Variants in DAB1 observed in about 807,000 individuals in gnomAD.
DAB1 encodes the protein disabled homolog 1.
DAB1 carries 15 observed loss-of-function variants against 64.6 expected under a neutral mutation model. The observed-to-expected ratio is 0.23, with a 90% confidence interval of 0.16 to 0.36. The LOEUF is 0.36. DAB1 is among the 10% of genes least tolerant of loss of function. The pLI is 1.00. For missense variants in DAB1, 596 were observed against 706.7 expected, an observed-to-expected ratio of 0.84 and a Z score of 1.78; for synonymous variants, 235 against 251.9, an observed-to-expected ratio of 0.93 and a Z score of 0.64.
At chr1:57,748,895 G>A (rs139503808) in intron 6 of DAB1, among the ~76,000 whole-genome samples, 12 of 152,296 alleles carry the variant, frequency 7.9e-5, no homozygotes, top group Non-Finnish European at 1.6e-4. Flanking sequence ...CCATGCGTAC[G>A]ATGAAAAGGG....
chr1:57,917,886 T>C (rs1241015780), intron 5 of DAB1, among the ~76,000 whole-genome samples: 2 of 152,038 alleles, frequency 1.3e-5, no homozygotes, highest in Non-Finnish European at 2.9e-5. Flanking sequence ...TGTCCTGTAA[T>C]AATGAGGTAT....
intron 5 of DAB1, among the ~76,000 whole-genome samples, chr1:58,068,066 TGAG>T (rs1190515383): frequency 6.6e-6 from 1 of 152,140 alleles, no homozygotes; most frequent in African/African-American, 2.4e-5. Context: ...GTGGAGATGC[TGAG>T]GAGAGGGACA....
At chr1:58,264,096 G>C (rs1661107280) in intron 4 of DAB1, among the ~76,000 whole-genome samples, 1 of 152,182 alleles carries the variant, frequency 6.6e-6, no homozygotes, top group Non-Finnish European at 1.5e-5. Flanking sequence ...ACTCCTTGTG[G>C]ATTGCTTGAC....
intron 4 of DAB1, among the ~76,000 whole-genome samples, chr1:58,243,082 T>C (rs760647785): frequency 2.0e-5 from 3 of 152,124 alleles, no homozygotes; most frequent in Non-Finnish European, 4.4e-5. Flanking sequence ...TCTTAGTACT[T>C]TGTCCATGGT....
At chr1:57,473,575 T>C (rs1643894718) in intron 7 of DAB1, among the ~76,000 whole-genome samples, 1 of 152,230 alleles carries the variant, frequency 6.6e-6, no homozygotes, top group Non-Finnish European at 1.5e-5. Context: ...TCGTGAAGAC[T>C]AAATGATAAA....
chr1:57,629,657 G>A (rs1286518118), intron 7 of DAB1, among the ~76,000 whole-genome samples: 3 of 151,520 alleles, frequency 2.0e-5, no homozygotes, highest in Non-Finnish European at 4.4e-5. Flanking sequence ...CTCATGTCAA[G>A]AGCCTACTAG....
intron 7 of DAB1, among the ~76,000 whole-genome samples, chr1:57,552,447 G>A (rs890529049): frequency 6.6e-6 from 1 of 152,170 alleles, no homozygotes; most frequent in Non-Finnish European, 1.5e-5. Context: ...GGGGAATGTT[G>A]AATCTATCAG....
At chr1:57,316,808 A>G (rs1675252397) in intron 1 of DAB1, among the ~76,000 whole-genome samples, 1 of 152,164 alleles carries the variant, frequency 6.6e-6, no homozygotes, top group Admixed American at 6.5e-5. Context: ...GGGCATAGAC[A>G]TTCAGATTCT....
At chr1:57,674,785 G>A (rs1045894258) in intron 6 of DAB1, among the ~76,000 whole-genome samples, 4 of 152,006 alleles carry the variant, frequency 2.6e-5, no homozygotes, top group African/African-American at 9.7e-5. Context: ...TACTATTATT[G>A]TTCTCCCCTT....
intron 6 of DAB1, among the ~76,000 whole-genome samples, chr1:57,792,086 C>A (rs1650628109): frequency 6.6e-6 from 1 of 152,258 alleles, no homozygotes; most frequent in African/African-American, 2.4e-5. Flanking sequence ...CCCTGACAAC[C>A]CTTCCACTGA....
At chr1:57,049,767 G>A (rs1164520718) in intron 9 of DAB1, among the ~76,000 whole-genome samples, 1 of 152,144 alleles carries the variant, frequency 6.6e-6, no homozygotes, top group East Asian at 1.9e-4. Flanking sequence ...TGTAACACAG[G>A]AGGCTGATTG....
At chr1:57,245,085 C>T (rs894074393) in intron 2 of DAB1, among the ~76,000 whole-genome samples, 1 of 152,064 alleles carries the variant, frequency 6.6e-6, no homozygotes, top group African/African-American at 2.4e-5. Flanking sequence ...TGGTTTTGAA[C>T]AAAATACTGA....
rs943713472 is a variant in DAB1, at chr1:57,836,890, C to T, written n.88-10435G>A. Among the ~76,000 whole-genome samples the T allele has an allele frequency of 2.0e-4, 30 of 152,306 alleles. No individual in the cohort carries two copies. In the South Asian group the frequency reaches 2.7e-3, roughly 14 times the overall value. On this transcript the variant is annotated intron_variant and non_coding_transcript_variant, in intron 1 of 1. Transcript: ENST00000477280. Reference sequence around the variant, plus strand: ...ATTCAACAAACCGAGCACTTCATCACGGCCCCCTAGACATGCTTTGCTCTC... The same window carrying T: ...ATTCAACAAACCGAGCACTTCATCATGGCCCCCTAGACATGCTTTGCTCTC...
intron 6 of DAB1, among the ~76,000 whole-genome samples, chr1:57,712,764 C>T (rs923695158): frequency 2.0e-5 from 3 of 152,152 alleles, no homozygotes; most frequent in African/African-American, 7.2e-5. Flanking sequence ...ATTCATTTTA[C>T]AGATACAGAA....
chr1:57,981,619 C>A (rs1028148292), intron 5 of DAB1, among the ~76,000 whole-genome samples: 1 of 152,082 alleles, frequency 6.6e-6, no homozygotes, highest in South Asian at 2.1e-4. Context: ...TTTCAATATC[C>A]TGGCTTTATA....
intron 7 of DAB1, among the ~76,000 whole-genome samples, chr1:57,630,119 A>C (rs10889059): frequency 0.23 from 34,690 of 152,114 alleles, 4,502 homozygotes; most frequent in Admixed American, 0.34. Context: ...CATGAGACTC[A>C]AAAATAAGAG....
chr1:58,300,120 T>C (rs2100459895), intron 4 of DAB1, among the ~76,000 whole-genome samples: 1 of 152,264 alleles, frequency 6.6e-6, no homozygotes, highest in East Asian at 1.9e-4. Flanking sequence ...CTCAGGATAA[T>C]GTAGAAAACT....
At chr1:57,281,662 T>C (rs1390233450) in intron 2 of DAB1, among the ~76,000 whole-genome samples, 1 of 152,092 alleles carries the variant, frequency 6.6e-6, no homozygotes, top group African/African-American at 2.4e-5. Context: ...GAGTGTGATC[T>C]GATTAAATCT....
Position 58,197,473 on chromosome 1 carries a change from C to T in DAB1, n.310-46885G>A, listed in dbSNP as rs925090742. 5.3e-5 allele frequency among the ~76,000 whole-genome samples: 8 copies of T among 151,194 alleles called. No individual in the cohort carries two copies. The South Asian group carries it at 6.3e-4, about 12-fold the overall frequency. On this transcript the variant is annotated intron_variant and non_coding_transcript_variant, in intron 4 of 20. Transcript: ENST00000485760. ...GGAGTCCAGTGGTGCCATCTCAGCT[C>T]ACTGCAACCTCCATCTCAAGCGGTT...
Sources: gnomAD v4.1 joint callset for allele counts (sites outside exome capture counted in the v4.1 genomes callset) on GRCh38, gnomAD v4.1.1 for gene constraint, MANE v1.5 for transcripts, NCBI Gene and HGNC (gene_info 2026-07-23, HGNC 2026-07-21) for gene names.